Variants in RSU1 observed in about 807,000 individuals in gnomAD.
RSU1 encodes rsu-1.
Under a neutral mutation model 31.1 loss-of-function variants are expected in RSU1, and 26 were observed. The ratio of observed to expected loss-of-function variants is 0.84; its 90% CI spans 0.61 to 1.16. The LOEUF is 1.16. Ranked by LOEUF, RSU1 falls within the 50% of genes most tolerant of loss-of-function variation. The pLI, the probability that RSU1 is intolerant of heterozygous loss-of-function variation, is 0.00. For missense variants in RSU1, 320 were observed against 339.1 expected, an observed-to-expected ratio of 0.94 and a Z score of 0.44; for synonymous variants, 164 against 136.3, an observed-to-expected ratio of 1.20 and a Z score of -1.41.
chr10:16,628,883 A>G (rs1834202301), intron 8 of RSU1, among the ~76,000 whole-genome samples: 1 of 152,152 alleles, frequency 6.6e-6, no homozygotes, highest in Admixed American at 6.5e-5. Flanking sequence ...ACGGTGGGAA[A>G]AAAATTCTCC....
chr10:16,800,061 G>A (rs1838119422), intron 2 of RSU1, among the ~76,000 whole-genome samples: 1 of 152,128 alleles, frequency 6.6e-6, no homozygotes, highest in South Asian at 2.1e-4. Flanking sequence ...GAAAAGGGGA[G>A]GAAAACACAA....
chr10:16,783,053 G>A (rs1008692385), intron 2 of RSU1, among the ~76,000 whole-genome samples: 1 of 151,766 alleles, frequency 6.6e-6, no homozygotes, highest in Non-Finnish European at 1.5e-5. Flanking sequence ...TGAGATCACA[G>A]GTGCATGCCA....
At position 16,782,071 on chromosome 10, in the gene RSU1, A is replaced by G; in HGVS notation, c.123T>C (p.His41=). ...LDVNGLFTLS[H]ITQLVLSHNK... is the part of the protein sequence containing the mutation. ...TATGGCTGAGGACCAGTTGTGTGAT[A>G]TGGGATAAGGTAACTAAAAAGAAAA... Residue 41 remains histidine (H), a synonymous_variant, in exon 3 of 9, where the codon CAT becomes CAC. Coordinates refer to ENST00000345264, the MANE Select transcript of RSU1 (RefSeq NM_012425.4). 1 of 1,612,070 alleles carries G rather than the reference A, an allele frequency of 6.2e-7. No individual in the cohort carries two copies. The highest frequency in any genetic ancestry group is 8.5e-7 in the Non-Finnish European group (1 of 1,178,852).
chr10:16,731,242 G>A (rs2131600365), intron 7 of RSU1, among the ~76,000 whole-genome samples: 1 of 152,028 alleles, frequency 6.6e-6, no homozygotes, highest in African/African-American at 2.4e-5. Context: ...AAAGTACTGT[G>A]GCAAATGAAA....
At chr10:16,690,999 AACAGAG>A (rs1021761919) in intron 8 of RSU1, among the ~76,000 whole-genome samples, 1 of 152,244 alleles carries the variant, frequency 6.6e-6, no homozygotes, top group African/African-American at 2.4e-5. Flanking sequence ...CGGCTTAAAC[AACAGAG>A]ACAAAGAAGT....
chr10:16,811,722 G>T (rs971503246), intron 2 of RSU1, among the ~76,000 whole-genome samples: 3 of 152,202 alleles, frequency 2.0e-5, no homozygotes, highest in African/African-American at 7.2e-5. Flanking sequence ...TCTTGTTCCT[G>T]ATAGCTGGAA....
chr10:16,810,439 A>G (rs926533805), intron 2 of RSU1, among the ~76,000 whole-genome samples: 5 of 152,086 alleles, frequency 3.3e-5, no homozygotes, highest in Admixed American at 6.6e-5. Context: ...GCACATCCCA[A>G]CGAAAATCCT....
At chr10:16,779,056 A>G (rs1837599631) in intron 3 of RSU1, among the ~76,000 whole-genome samples, 1 of 152,232 alleles carries the variant, frequency 6.6e-6, no homozygotes, top group South Asian at 2.1e-4. Flanking sequence ...AAGGCAGAAG[A>G]AAAAAATTCA....
chr10:16,777,756 A>G (rs1244453709), intron 3 of RSU1, among the ~76,000 whole-genome samples: 1 of 152,226 alleles, frequency 6.6e-6, no homozygotes, highest in Non-Finnish European at 1.5e-5. Flanking sequence ...ATTAAGGAGC[A>G]GACTAAAAAA....
chr10:16,755,080 G>T, intron 4 of RSU1, 91 bp from the exon 5 acceptor site: 5 of 704,576 alleles, frequency 7.1e-6, no homozygotes, highest in Non-Finnish European at 1.3e-5. Flanking sequence ...CGCTGAAAGT[G>T]TAAGACAGTG....
intron 1 of RSU1, 114 bp downstream of exon 1, chr10:16,817,201 A>G: frequency 8.5e-6 from 5 of 585,604 alleles, no homozygotes; most frequent in East Asian, 3.9e-5. Context: ...TGGGCGTCCG[A>G]GGGCGTCCCA....
intron 7 of RSU1, among the ~76,000 whole-genome samples, chr10:16,751,423 C>T (rs1474061571): frequency 2.0e-5 from 3 of 152,160 alleles, no homozygotes; most frequent in Non-Finnish European, 4.4e-5. Context: ...CACGTGACTG[C>T]CTTCCCTTTA....
At position 16,593,446 on chromosome 10, in the gene RSU1, T is replaced by C; in HGVS notation, c.782A>G (p.Asn261Ser). ...CCGGCTGATCTTTTTCGATTTGTCATTATTCTTCTTCGGTGGTTCTGGGTT... is the reference window on the plus strand; with the variant it reads ...CCGGCTGATCTTTTTCGATTTGTCACTATTCTTCTTCGGTGGTTCTGGGTT... ...QANPEPPKKN[N>S]DKSKKISRKP... Residue 261 changes from asparagine to serine, a missense_variant, in exon 9 of 9, where the codon AAT becomes AGT. Coordinates refer to ENST00000345264, the MANE Select transcript of RSU1 (RefSeq NM_012425.4). The C allele has an allele frequency of 6.2e-7, 1 of 1,614,132 alleles. No individual in the cohort carries two copies. Among genetic ancestry groups the C allele is most frequent in the Non-Finnish European group, 8.5e-7 (1 of 1,180,006 alleles).
chr10:16,749,432 A>G (rs1564343112), intron 7 of RSU1, among the ~76,000 whole-genome samples: 1 of 152,164 alleles, frequency 6.6e-6, no homozygotes, highest in Non-Finnish European at 1.5e-5. Flanking sequence ...TTTCACAGAA[A>G]TCTCAAAAGC....
rs138945010 is a variant in RSU1 at position 16,688,596 on chromosome 10, G to A, written c.731+6427C>T. Among the ~76,000 whole-genome samples, 186 of 152,260 alleles carry A rather than the reference G, an allele frequency of 1.2e-3. 2 individuals are homozygous for A. The highest frequency in any genetic ancestry group is 2.9e-3 in the South Asian group (14 of 4,820). ...TGCAGTCCAGCTTCGGCGACAGAGC[G>A]AGACTCCGTCTCAAAAAAAGAAAAA... On this transcript the variant is annotated intron_variant, in intron 8 of 8. Transcript: ENST00000345264.
chr10:16,668,970 T>C (rs994029189), intron 8 of RSU1, among the ~76,000 whole-genome samples: 3 of 144,448 alleles, frequency 2.1e-5, no homozygotes, highest in Non-Finnish European at 4.4e-5. Flanking sequence ...GTTATGGCCA[T>C]AGACATGTTC....
intron 8 of RSU1, among the ~76,000 whole-genome samples, chr10:16,663,242 G>GC (rs1281581766): frequency 1.3e-5 from 2 of 152,080 alleles, no homozygotes; most frequent in Admixed American, 6.5e-5. Context: ...TAAACAAAGG[G>GC]CCCTACGTGC....
chr10:16,682,560 ACACACACACACATG>A (rs1158678193), intron 8 of RSU1, among the ~76,000 whole-genome samples: 25 of 148,258 alleles, frequency 1.7e-4, no homozygotes, highest in African/African-American at 6.0e-4. Flanking sequence ...ACACACACAC[ACACACACACACATG>A]CATGCATGTT....
chr10:16,608,313 G>A (rs777807436), intron 8 of RSU1, among the ~76,000 whole-genome samples: 1 of 152,160 alleles, frequency 6.6e-6, no homozygotes, highest in Admixed American at 6.5e-5. Context: ...TTCAAGATTA[G>A]CCTGGGAAAC....
Sources: gnomAD v4.1 joint callset for allele counts (sites outside exome capture counted in the v4.1 genomes callset) on GRCh38, gnomAD v4.1.1 for gene constraint, MANE v1.5 for transcripts, NCBI Gene and HGNC (gene_info 2026-07-23, HGNC 2026-07-21) for gene names.